Variants in PLD5 observed in about 807,000 individuals in gnomAD.
The protein encoded by PLD5 is phospholipase D family member 5.
A neutral mutation model predicts 61.1 loss-of-function variants in PLD5; 36 were observed. The ratio of observed to expected loss-of-function variants is 0.59; its 90% confidence interval spans 0.45 to 0.78. The LOEUF (loss-of-function observed/expected upper bound fraction) is 0.78. Among genes scored for constraint, PLD5 ranks in the 30% least tolerant of loss-of-function variants. PLD5 has a pLI of 0.00. For synonymous variants in PLD5, 243 were observed against 242.8 expected (o/e 1.00, Z -0.01); for missense variants, 515 against 644.4 (o/e 0.80, Z 2.17).
At chr1:242,144,773 C>T (rs974492097) in intron 5 of PLD5, among the ~76,000 whole-genome samples, 10 of 151,798 alleles carry the variant, frequency 6.6e-5, no homozygotes, top group Non-Finnish European at 1.2e-4. Context: ...AGAGTGAAAC[C>T]CTGTCTCAAA....
intron 5 of PLD5, among the ~76,000 whole-genome samples, chr1:242,191,985 C>T (rs1437327387): frequency 6.6e-6 from 1 of 152,178 alleles, no homozygotes; most frequent in Non-Finnish European, 1.5e-5. Context: ...TTGGGCACTG[C>T]CAAACAGGCA....
At chr1:242,375,792 G>T (rs1661915318) in intron 1 of PLD5, among the ~76,000 whole-genome samples, 1 of 152,090 alleles carries the variant, frequency 6.6e-6, no homozygotes, top group Admixed American at 6.6e-5. Context: ...TCTTGAAATG[G>T]CTGAACTAAA....
chr1:242,271,893 C>A (rs316913), intron 3 of PLD5, among the ~76,000 whole-genome samples: 15,575 of 151,318 alleles, frequency 0.1, 996 homozygotes, highest in African/African-American at 0.17. Context: ...CAATTACACG[C>A]ATTCTCAATG....
chr1:242,417,162 T>C (rs1240126557), intron 1 of PLD5, among the ~76,000 whole-genome samples: 1 of 152,144 alleles, frequency 6.6e-6, no homozygotes, highest in Non-Finnish European at 1.5e-5. Flanking sequence ...AAGTTAGCTA[T>C]GGGGTTAATC....
At chr1:242,242,065 G>A (rs1672092274) in intron 4 of PLD5, among the ~76,000 whole-genome samples, 1 of 145,972 alleles carries the variant, frequency 6.9e-6, no homozygotes, top group Admixed American at 6.9e-5. Flanking sequence ...TGGAGAGAAG[G>A]ATGTGGAGAA....
rs1666826743 is a variant in PLD5, at chr1:242,452,772, C to A, written c.189+71316G>T. 1.3e-5 allele frequency among the ~76,000 whole-genome samples: 2 copies of A among 152,106 alleles called. 1 individual carries two copies. The highest frequency in any genetic ancestry group is 4.8e-5 in the African/African-American group (2 of 41,404). On this transcript the variant is annotated intron_variant, in intron 1 of 9. Coordinates refer to ENST00000536534, the MANE Select transcript of PLD5 (RefSeq NM_001372062.1). ...CAGAGGTTGCACTGAGCTGAGATTG[C>A]GCCACTGCACACCAGCCTGGGTGGC...
At chr1:242,524,057 G>C in intron 1 of PLD5, 31 bp downstream of exon 1, 1 of 1,524,204 alleles carries the variant, frequency 6.6e-7, no homozygotes, top group Non-Finnish European at 8.8e-7. Flanking sequence ...CAGGTGCCTG[G>C]CCGAGGCCCC....
chr1:242,300,166 T>C (rs201179974), intron 2 of PLD5, among the ~76,000 whole-genome samples: 1 of 152,108 alleles, frequency 6.6e-6, no homozygotes, highest in East Asian at 1.9e-4. Flanking sequence ...CAGCCAGGCA[T>C]AGTGGCTCAC....
intron 1 of PLD5, among the ~76,000 whole-genome samples, chr1:242,461,036 G>A (rs1667103898): frequency 6.6e-6 from 1 of 152,112 alleles, no homozygotes; most frequent in Non-Finnish European, 1.5e-5. Context: ...AGGTACTCAA[G>A]AGGCTGAGGC....
chr1:242,350,551 A>C (rs113648054), intron 1 of PLD5, among the ~76,000 whole-genome samples: 6,420 of 152,180 alleles, frequency 0.042, 466 homozygotes, highest in African/African-American at 0.15. Context: ...CCAAAGCCAC[A>C]TGATTTCCTA....
At chr1:242,361,031 A>G (rs1180007545) in intron 1 of PLD5, among the ~76,000 whole-genome samples, 3 of 152,152 alleles carry the variant, frequency 2.0e-5, no homozygotes, top group Non-Finnish European at 4.4e-5. Context: ...GAATCCTAAC[A>G]AAGACAATAT....
At chr1:242,142,822 G>A (rs934760328) in intron 5 of PLD5, among the ~76,000 whole-genome samples, 1 of 151,838 alleles carries the variant, frequency 6.6e-6, no homozygotes, top group African/African-American at 2.4e-5. Flanking sequence ...TGCCTCCCAT[G>A]TTCAAGCGAT....
At chr1:242,134,650 T>A (rs1004116334) in intron 5 of PLD5, among the ~76,000 whole-genome samples, 1 of 152,230 alleles carries the variant, frequency 6.6e-6, no homozygotes, top group Non-Finnish European at 1.5e-5. Context: ...TTTTTACTTC[T>A]GTGTGTTGCT....
At chr1:242,379,440 C>T (rs76209066) in intron 1 of PLD5, among the ~76,000 whole-genome samples, 56 of 152,206 alleles carry the variant, frequency 3.7e-4, no homozygotes, top group African/African-American at 1.2e-3. Context: ...GGGGGCACCA[C>T]CAGCCATTGC....
chr1:242,095,502 G>A (rs565111071), intron 9 of PLD5, among the ~76,000 whole-genome samples: 18 of 152,174 alleles, frequency 1.2e-4, no homozygotes, highest in Non-Finnish European at 2.4e-4. Flanking sequence ...AAAGTGCTGG[G>A]ATTATAGGTG....
At chr1:242,284,286 T>C (rs541455424) in intron 3 of PLD5, among the ~76,000 whole-genome samples, 28 of 152,012 alleles carry the variant, frequency 1.8e-4, no homozygotes, top group Middle Eastern at 6.8e-3. Context: ...TACAGGCATG[T>C]GCCACCACGC....
intron 1 of PLD5, among the ~76,000 whole-genome samples, chr1:242,378,667 C>T (rs1447905665): frequency 6.6e-6 from 1 of 151,936 alleles, no homozygotes; most frequent in South Asian, 2.1e-4. Flanking sequence ...ACGACAAAAC[C>T]CTGTCTCTAC....
intron 1 of PLD5, among the ~76,000 whole-genome samples, chr1:242,394,754 ATGTGTATATATGTGAATATATATG>A (rs1663324276): frequency 2.3e-5 from 1 of 43,302 alleles, no homozygotes; most frequent in Admixed American, 2.8e-4. Flanking sequence ...GTGAACATAT[ATGTGTATATATGTGAATATATATG>A]TGTATATATG....
chr1:242,169,340 G>A lies in PLD5; in HGVS notation c.736-44675C>T, dbSNP rs141563837. ...CCTCACCTGGGAAGTGCAAGGGGTC[G>A]GGGAATTTTCTCCCCTACCCAAGGG... On this transcript the variant is annotated intron_variant, in intron 5 of 9. Transcript: ENST00000536534. Among the ~76,000 whole-genome samples the A allele has an allele frequency of 4.8e-3, 729 of 152,132 alleles. 2 individuals are homozygous for A. Among genetic ancestry groups the A allele is most frequent in the Non-Finnish European group, 7.2e-3 (489 of 68,006 alleles).
Sources: gnomAD v4.1 joint callset for allele counts (sites outside exome capture counted in the v4.1 genomes callset) on GRCh38, gnomAD v4.1.1 for gene constraint, MANE v1.5 for transcripts, NCBI Gene and HGNC (gene_info 2026-07-23, HGNC 2026-07-21) for gene names.